Variants in ZYG11B observed in about 807,000 individuals in gnomAD.
ZYG11B encodes the protein protein zyg-11 homolog B.
A neutral mutation model predicts 82.4 loss-of-function variants in ZYG11B; 36 were observed. That is an observed-to-expected ratio of 0.44 (90% CI 0.33 to 0.58). ZYG11B has a LOEUF of 0.58. ZYG11B is among the 20% of genes least tolerant of loss of function. The probability of loss-of-function intolerance (pLI) is 0.02; values close to 1 mark genes in which losing one functional copy is unlikely to be tolerated. For missense variants in ZYG11B, 552 were observed against 895.6 expected (o/e 0.62, Z 4.90); for synonymous variants, 303 against 312.8 (o/e 0.97, Z 0.33).
intron 2 of ZYG11B, among the ~76,000 whole-genome samples, chr1:52,757,069 G>A (rs920961398): frequency 6.0e-5 from 9 of 150,994 alleles, no homozygotes; most frequent in African/African-American, 1.9e-4. Context: ...TAAGAAACAG[G>A]GCCTTGTTCT....
intron 1 of ZYG11B, among the ~76,000 whole-genome samples, chr1:52,748,042 T>A (rs1644491128): frequency 6.6e-6 from 1 of 152,214 alleles, no homozygotes; most frequent in Non-Finnish European, 1.5e-5. Context: ...TGCTCTACAA[T>A]TATAATTATG....
In ZYG11B at chr1:52,771,821, AG is replaced by A; in HGVS notation, c.951+48del. The A allele has an allele frequency of 1.3e-6, 2 of 1,555,118 alleles. No homozygotes were observed. The highest frequency in any genetic ancestry group is 1.7e-6 in the Non-Finnish European group (2 of 1,150,772). ...ATTTTGTCAGGCTGACCAATATCTTAGTTGCATAAGACTCTATTAAAGATGA... is the reference window on the plus strand; with the variant it reads ...ATTTTGTCAGGCTGACCAATATCTTATTGCATAAGACTCTATTAAAGATGA... On this transcript the variant is annotated intron_variant, in intron 3 of 13. Coordinates refer to ENST00000294353, the MANE Select transcript of ZYG11B (RefSeq NM_024646.3). This position sits in a 1 kb window ranked among gnomAD's most constrained non-coding sequence, Gnocchi z 5.4.
intron 6 of ZYG11B, among the ~76,000 whole-genome samples, chr1:52,792,210 A>AGT (rs1226845908): frequency 6.6e-6 from 1 of 152,138 alleles, no homozygotes; most frequent in Non-Finnish European, 1.5e-5. Context: ...GTGGATATTT[A>AGT]GTGGATTGAT....
intron 4 of ZYG11B, among the ~76,000 whole-genome samples, chr1:52,783,897 T>TGTGTGTGTATGTACATACACGA (rs1558132732): frequency 8.1e-6 from 1 of 124,072 alleles, no homozygotes; most frequent in East Asian, 4.5e-4. Context: ...TACATACACG[T>TGTGTGTGTATGTACATACACGA]GTGTGTATAT....
chr1:52,808,709 A>C (rs897356163), intron 10 of ZYG11B, among the ~76,000 whole-genome samples: 3 of 152,166 alleles, frequency 2.0e-5, no homozygotes, highest in African/African-American at 7.2e-5. Context: ...CCCATATTGG[A>C]GTCCTTTGGA....
Position 52,826,405 on chromosome 1 carries a change from A to C in ZYG11B, c.*4776A>C, listed in dbSNP as rs1243532352. 6.6e-6 allele frequency: 1 copy of C among 152,200 alleles called. No homozygotes were observed. Among genetic ancestry groups the C allele is most frequent in the African/African-American group, 2.4e-5 (1 of 41,452 alleles). The allele number at this position is 152,200 out of a possible 1,614,324, so 9.4% of individuals were successfully genotyped here. A position where few individuals can be genotyped will look rare whatever the true frequency, so the allele number is the denominator to read the frequency against. On this transcript the variant is annotated 3_prime_UTR_variant, in exon 14 of 14. Transcript: ENST00000294353. ...CACTCACGAACTGTTTTATTTTAGGAATAATGCAAAACCAACCTTCGTCCG... is the reference window on the plus strand; with the variant it reads ...CACTCACGAACTGTTTTATTTTAGGCATAATGCAAAACCAACCTTCGTCCG...
chr1:52,805,791 T>C (rs1645137351), intron 10 of ZYG11B, among the ~76,000 whole-genome samples: 1 of 152,088 alleles, frequency 6.6e-6, no homozygotes, highest in South Asian at 2.1e-4. Context: ...ATCACGCCAC[T>C]GTACTCCAAG....
At chr1:52,781,876 C>T (rs1644859527) in intron 4 of ZYG11B, among the ~76,000 whole-genome samples, 1 of 151,832 alleles carries the variant, frequency 6.6e-6, no homozygotes, top group Admixed American at 6.6e-5. Context: ...TCACCAACAC[C>T]TGTCACTCCT....
chr1:52,815,764 C>G (rs1459285817), intron 12 of ZYG11B, among the ~76,000 whole-genome samples: 2 of 152,042 alleles, frequency 1.3e-5, no homozygotes, highest in Non-Finnish European at 2.9e-5. Context: ...GAAACCCCGT[C>G]TCTACTAAAA....
chr1:52,733,682 A>G (rs1351056290), intron 1 of ZYG11B, among the ~76,000 whole-genome samples: 1 of 152,200 alleles, frequency 6.6e-6, no homozygotes, highest in Non-Finnish European at 1.5e-5. Flanking sequence ...AATCAATCAG[A>G]GATATCTTGA....
chr1:52,779,627 G>A (rs1644838654), intron 3 of ZYG11B, among the ~76,000 whole-genome samples: 1 of 152,142 alleles, frequency 6.6e-6, no homozygotes, highest in East Asian at 1.9e-4. Flanking sequence ...AGTAGCTGCA[G>A]TTACAGGCAT....
chr1:52,796,593 G>A lies in ZYG11B; in HGVS notation c.1435-141G>A, dbSNP rs532099457. 8.2e-6 allele frequency: 7 copies of A among 851,000 alleles called. No individual in the cohort carries two copies. The South Asian group carries it at 1.1e-4, about 13-fold the overall frequency. The allele number at this position is 851,000 out of a possible 1,614,324, so 52.7% of individuals were successfully genotyped here. Reference sequence around the variant, plus strand: ...CCAGCACTTTGGGAGGCCGAGGCAGGCCTCCCAAAAACCGATATGCAGCAG... The same window carrying A: ...CCAGCACTTTGGGAGGCCGAGGCAGACCTCCCAAAAACCGATATGCAGCAG... On this transcript the variant is annotated intron_variant, in intron 7 of 13. Coordinates refer to ENST00000294353, the MANE Select transcript of ZYG11B (RefSeq NM_024646.3).
At chr1:52,807,243 C>G (rs190488239) in intron 10 of ZYG11B, among the ~76,000 whole-genome samples, 41 of 151,772 alleles carry the variant, frequency 2.7e-4, no homozygotes, top group Admixed American at 2.4e-3. Flanking sequence ...CTCAAGTGAT[C>G]CACCAGCCTC....
intron 6 of ZYG11B, among the ~76,000 whole-genome samples, chr1:52,793,127 A>G (rs1644973443): frequency 6.6e-6 from 1 of 151,220 alleles, no homozygotes; most frequent in Admixed American, 6.7e-5. Context: ...GGTGTGAGCC[A>G]GCACACCCAG....
intron 4 of ZYG11B, among the ~76,000 whole-genome samples, chr1:52,783,028 G>A (rs1306205428): frequency 6.6e-6 from 1 of 151,186 alleles, no homozygotes; most frequent in Non-Finnish European, 1.5e-5. Flanking sequence ...CCATGTTCAA[G>A]CGATTCTTCT....
At chr1:52,820,009 C>CGGG (rs1645269855) in intron 13 of ZYG11B, among the ~76,000 whole-genome samples, 3 of 151,024 alleles carry the variant, frequency 2.0e-5, no homozygotes, top group Non-Finnish European at 1.5e-5. Flanking sequence ...CCGCCTCCCA[C>CGGG]TTCACGCCAT....
intron 6 of ZYG11B, among the ~76,000 whole-genome samples, chr1:52,793,893 T>TTCCTTACTTCCG (rs1644981973): frequency 6.7e-6 from 1 of 148,498 alleles, no homozygotes; most frequent in South Asian, 2.1e-4. Context: ...CCTTCCTTCC[T>TTCCTTACTTCCG]TCCTTCCTTT....
chr1:52,780,108 A>T (rs1644842848), intron 4 of ZYG11B, 115 bp downstream of exon 4: 1 of 990,240 alleles, frequency 1.0e-6, no homozygotes, highest in Admixed American at 2.8e-5. Context: ...TTATAATGTG[A>T]TTGATGACGT....
chr1:52,735,824 A>G (rs1242757658), intron 1 of ZYG11B, among the ~76,000 whole-genome samples: 1 of 152,088 alleles, frequency 6.6e-6, no homozygotes, highest in Non-Finnish European at 1.5e-5. Flanking sequence ...ATTCCTCCCT[A>G]TTGTCTGAGA....
Sources: allele counts gnomAD v4.1 joint callset (sites outside exome capture counted in the v4.1 genomes callset), GRCh38; gene constraint gnomAD v4.1.1; non-coding constraint Gnocchi (gnomAD v3.1); transcripts MANE v1.5; gene names NCBI Gene and HGNC (gene_info 2026-07-23, HGNC 2026-07-21).